The following LAMA2 variants were observed in gnomAD, a reference collection of about 807,000 sequenced individuals.
LAMA2 encodes the protein laminin subunit alpha 2, also known as laminin subunit alpha-2.
A neutral mutation model predicts 364.8 loss-of-function variants in LAMA2; 269 were observed. The ratio of observed to expected loss-of-function variants is 0.74; its 90% CI spans 0.67 to 0.82. The LOEUF (loss-of-function observed/expected upper bound fraction) is 0.82, where lower values mean the gene tolerates loss of function less well. Among genes scored for constraint, LAMA2 ranks in the 40% least tolerant of loss-of-function variants. The pLI, the probability that LAMA2 is intolerant of heterozygous loss-of-function variation, is 0.00. For missense variants in LAMA2, 3,807 were observed against 3,873.2 expected (o/e 0.98, Z 0.45); for synonymous variants, 1,379 against 1,370.6 (o/e 1.01, Z -0.14).
intron 1 of LAMA2, among the ~76,000 whole-genome samples, chr6:128,964,878 C>A (rs576471028): frequency 6.6e-6 from 1 of 152,068 alleles, no homozygotes; most frequent in South Asian, 2.1e-4. Context: ...AATGAGTGTA[C>A]TTCAGTGTCA....
At chr6:129,027,364 G>A (rs1785896962) in intron 1 of LAMA2, among the ~76,000 whole-genome samples, 1 of 152,130 alleles carries the variant, frequency 6.6e-6, no homozygotes, top group Middle Eastern at 3.4e-3. Flanking sequence ...TTTTTAATAT[G>A]TGGAGGTACA....
intron 32 of LAMA2, among the ~76,000 whole-genome samples, chr6:129,363,257 T>TACTC (rs1777571496): frequency 6.6e-6 from 1 of 152,098 alleles, no homozygotes; most frequent in African/African-American, 2.4e-5. Flanking sequence ...TGAGTCATGA[T>TACTC]CACACCACTG....
intron 1 of LAMA2, among the ~76,000 whole-genome samples, chr6:128,932,384 C>G (rs1336641398): frequency 6.6e-6 from 1 of 152,220 alleles, no homozygotes; most frequent in Non-Finnish European, 1.5e-5. Flanking sequence ...TGAAAGCTTA[C>G]TGATACCCAG....
chr6:129,453,375 A>G (rs1782786549), intron 46 of LAMA2, among the ~76,000 whole-genome samples: 1 of 152,178 alleles, frequency 6.6e-6, no homozygotes, highest in Non-Finnish European at 1.5e-5. Flanking sequence ...GTATACCATC[A>G]TTTCTGTTAA....
At chr6:129,116,838 T>C (rs1180922570) in intron 4 of LAMA2, among the ~76,000 whole-genome samples, 1 of 151,866 alleles carries the variant, frequency 6.6e-6, no homozygotes, top group African/African-American at 2.4e-5. Flanking sequence ...TAATACTAGA[T>C]GAGCAACTGA....
At chr6:129,309,543 T>G (rs1347207109) in intron 22 of LAMA2, among the ~76,000 whole-genome samples, 1 of 152,256 alleles carries the variant, frequency 6.6e-6, no homozygotes. Context: ...ATTATAGTTT[T>G]GATAACATGA....
intron 29 of LAMA2, among the ~76,000 whole-genome samples, chr6:129,336,684 T>A (rs1268609272): frequency 6.6e-6 from 1 of 152,264 alleles, no homozygotes. Context: ...AGATGTTTGA[T>A]GAGCTATTTC....
chr6:128,907,023 G>A (rs1476889394), intron 1 of LAMA2, among the ~76,000 whole-genome samples: 3 of 150,052 alleles, frequency 2.0e-5, no homozygotes, highest in Non-Finnish European at 4.5e-5. Context: ...GTACCATGCT[G>A]TTTTGGTTAC....
At chr6:129,459,907 A>G (rs757714233) in intron 48 of LAMA2, among the ~76,000 whole-genome samples, 7 of 152,118 alleles carry the variant, frequency 4.6e-5, no homozygotes, top group Non-Finnish European at 1.0e-4. Flanking sequence ...CAGCTCACCT[A>G]AAGTTAGAAG....
rs114816402 is a variant in LAMA2 at position 129,334,804 on chromosome 6, T to G, written c.4311+6392T>G. Among the ~76,000 whole-genome samples the G allele has an allele frequency of 4.5e-3, 682 of 152,232 alleles. 3 individuals are homozygous for G. The highest frequency in any genetic ancestry group is 0.015 in the African/African-American group (630 of 41,548). On this transcript the variant is annotated intron_variant, in intron 29 of 64. Transcript: ENST00000421865. ...TCTTCACGTGTTGGAAGGCACTAGA[T>G]AGCTCTCTGGGGTCTCTTTTGTAAA...
At chr6:129,490,434 T>C (rs1784803190) in intron 56 of LAMA2, among the ~76,000 whole-genome samples, 2 of 152,218 alleles carry the variant, frequency 1.3e-5, no homozygotes. Context: ...ATGATGGTCC[T>C]TGTGGCAGAA....
At chr6:129,383,710 G>A (rs1270154029) in intron 35 of LAMA2, among the ~76,000 whole-genome samples, 1 of 152,104 alleles carries the variant, frequency 6.6e-6, no homozygotes, top group African/African-American at 2.4e-5. Flanking sequence ...AAGCTCTGGT[G>A]CATTTAGCTC....
rs187205814 is a variant in LAMA2 at position 129,415,464 on chromosome 6, A to T, written c.5865+11505A>T. On this transcript the variant is annotated intron_variant, in intron 40 of 64. Coordinates refer to ENST00000421865, the MANE Select transcript of LAMA2 (RefSeq NM_000426.4). Reference sequence around the variant, plus strand: ...CTTTCTGAGGCCTGGCCTTCTCCAAATTTTTTCTATCTCCTTGCTGGCATA... The same window carrying T: ...CTTTCTGAGGCCTGGCCTTCTCCAATTTTTTTCTATCTCCTTGCTGGCATA... 4.8e-3 allele frequency among the ~76,000 whole-genome samples: 732 copies of T among 151,924 alleles called. 4 individuals carry two copies. Among genetic ancestry groups the T allele is most frequent in the Non-Finnish European group, 6.2e-3 (420 of 67,944 alleles).
intron 1 of LAMA2, among the ~76,000 whole-genome samples, chr6:129,049,571 T>C (rs946023111): frequency 1.3e-5 from 2 of 151,816 alleles, no homozygotes; most frequent in African/African-American, 4.8e-5. Flanking sequence ...ATATCTGAAA[T>C]GGAAGATGGA....
rs1085307718 is a variant in LAMA2, at chr6:129,143,931, A to C, written c.670A>C (p.Ser224Arg). 2 of 1,610,370 alleles carry C rather than the reference A, an allele frequency of 1.2e-6. No homozygotes were observed. Among genetic ancestry groups the C allele is most frequent in the African/African-American group, 1.3e-5 (1 of 74,734 alleles). ...CATCTCTTTAATCAATGGGAGACCAAGTGCCGATGATCCTTCTCCAGAACT... is the reference window on the plus strand; with the variant it reads ...CATCTCTTTAATCAATGGGAGACCACGTGCCGATGATCCTTCTCCAGAACT... Reference protein sequence around the residue: ...IHISLINGRPSADDPSPELLE... With the variant: ...IHISLINGRPRADDPSPELLE... Residue 224 changes from serine (S) to arginine (R), a missense_variant, in exon 5 of 65, where the codon AGT becomes CGT. Physicochemically the swap from Ser to Arg is moderately radical, Grantham distance 110. Around this residue, in one of 3 missense-constraint regions of LAMA2, gnomAD observed 394 missense variants for 403.5 expected, o/e 0.98. Coordinates refer to ENST00000421865, the MANE Select transcript of LAMA2 (RefSeq NM_000426.4).
At chr6:128,910,765 G>GT (rs1777866209) in intron 1 of LAMA2, among the ~76,000 whole-genome samples, 1 of 150,964 alleles carries the variant, frequency 6.6e-6, no homozygotes, top group Admixed American at 6.6e-5. Context: ...CATCTTTGTG[G>GT]TTTTATCTAC....
intron 20 of LAMA2, among the ~76,000 whole-genome samples, chr6:129,295,383 TG>T (rs1458073364): frequency 6.6e-6 from 1 of 152,164 alleles, no homozygotes; most frequent in East Asian, 1.9e-4. Context: ...AGTTTCTCAC[TG>T]GGTCTGGATA....
intron 12 of LAMA2, among the ~76,000 whole-genome samples, chr6:129,221,550 G>A (rs901824518): frequency 1.4e-4 from 22 of 152,098 alleles, no homozygotes; most frequent in South Asian, 1.2e-3. Context: ...CATTATCAAA[G>A]AGATAATGGA....
At chr6:129,134,683 G>A (rs534362242) in intron 4 of LAMA2, among the ~76,000 whole-genome samples, 1 of 152,286 alleles carries the variant, frequency 6.6e-6, no homozygotes, top group African/African-American at 2.4e-5. Flanking sequence ...TAGGGCTTGT[G>A]CTCCTTTGAG....
Sources: allele counts gnomAD v4.1 joint callset (sites outside exome capture counted in the v4.1 genomes callset), GRCh38; gene constraint gnomAD v4.1.1; regional missense constraint gnomAD v4.1.1; transcripts MANE v1.5; gene names NCBI Gene and HGNC (gene_info 2026-07-23, HGNC 2026-07-21).